Variants in FSHR observed in about 807,000 individuals in gnomAD.
FSHR encodes follicle stimulating hormone receptor.
Under a neutral mutation model 52.1 loss-of-function variants are expected in FSHR, and 46 were observed. That is an observed-to-expected ratio of 0.88 (90% CI 0.70 to 1.13). FSHR has a LOEUF of 1.13. Among genes scored for constraint, FSHR ranks in the 50% most tolerant of loss-of-function variants. The probability of loss-of-function intolerance (pLI) is 0.00; values close to 1 mark genes in which losing one functional copy is unlikely to be tolerated. For missense variants in FSHR, 964 were observed against 834.6 expected (o/e 1.16, Z -1.91); for synonymous variants, 399 against 309.6 (o/e 1.29, Z -3.03).
intron 1 of FSHR, among the ~76,000 whole-genome samples, chr2:49,098,427 G>A (rs1175865051): frequency 6.6e-6 from 1 of 152,120 alleles, no homozygotes; most frequent in Non-Finnish European, 1.5e-5. Context: ...CCTAGAAGAA[G>A]TGATGCTTGG....
At chr2:49,024,904 G>A (rs72827273) in intron 2 of FSHR, among the ~76,000 whole-genome samples, 2,753 of 152,276 alleles carry the variant, frequency 0.018, 32 homozygotes, top group East Asian at 0.048. Flanking sequence ...TAGACCCTCT[G>A]TTACTGCCCC....
chr2:49,122,036 C>G (rs1325373194), intron 1 of FSHR, among the ~76,000 whole-genome samples: 1 of 152,198 alleles, frequency 6.6e-6, no homozygotes, highest in Non-Finnish European at 1.5e-5. Context: ...ACAAATTGCT[C>G]ATAACTAAAG....
At chr2:49,014,598 G>T (rs1482331144) in intron 4 of FSHR, 3 of 248,560 alleles carry the variant, frequency 1.2e-5, no homozygotes, top group African/African-American at 6.9e-5. Context: ...TCATTCATAA[G>T]AACAAATGGT....
At chr2:49,040,276 T>C (rs1668434289) in intron 2 of FSHR, among the ~76,000 whole-genome samples, 1 of 150,734 alleles carries the variant, frequency 6.6e-6, no homozygotes, top group Non-Finnish European at 1.5e-5. Flanking sequence ...TAGACCAGCA[T>C]GGACTTCTGT....
At chr2:49,088,109 GAC>G (rs1444118725) in intron 1 of FSHR, among the ~76,000 whole-genome samples, 2 of 152,134 alleles carry the variant, frequency 1.3e-5, no homozygotes, top group African/African-American at 4.8e-5. Context: ...CTTGATCAAG[GAC>G]ACAGTTAGAA....
intron 1 of FSHR, among the ~76,000 whole-genome samples, chr2:49,120,502 C>T (rs1199197385): frequency 2.6e-5 from 4 of 152,094 alleles, no homozygotes; most frequent in South Asian, 2.1e-4. Flanking sequence ...TCTAGCACTT[C>T]GAATTGTATT....
chr2:49,094,170 G>A (rs1216667629), intron 1 of FSHR, among the ~76,000 whole-genome samples: 1 of 151,968 alleles, frequency 6.6e-6, no homozygotes, highest in Non-Finnish European at 1.5e-5. Flanking sequence ...TTGCTCTAGG[G>A]ATTAAACTTT....
intron 9 of FSHR, among the ~76,000 whole-genome samples, chr2:48,964,420 C>T (rs1426341288): frequency 1.3e-5 from 2 of 152,190 alleles, no homozygotes; most frequent in African/African-American, 4.8e-5. Flanking sequence ...TTATTTGCTT[C>T]TCTTATCTAC....
At chr2:49,051,727 C>T (rs867434165) in intron 2 of FSHR, among the ~76,000 whole-genome samples, 2 of 151,940 alleles carry the variant, frequency 1.3e-5, no homozygotes, top group South Asian at 4.2e-4. Flanking sequence ...TCCAAAATAA[C>T]ACTTTTATTT....
At chr2:49,142,566 C>T (rs1221366155) in intron 1 of FSHR, among the ~76,000 whole-genome samples, 1 of 152,168 alleles carries the variant, frequency 6.6e-6, no homozygotes, top group Non-Finnish European at 1.5e-5. Context: ...CAGTGCCTGT[C>T]ATAGTAGGCA....
intron 1 of FSHR, among the ~76,000 whole-genome samples, chr2:49,137,737 A>G: frequency 6.6e-6 from 1 of 152,156 alleles, no homozygotes; most frequent in East Asian, 1.9e-4. Flanking sequence ...GTAAGGGACA[A>G]TTAAATATTC....
At chr2:49,064,592 G>A (rs1411696763) in intron 2 of FSHR, among the ~76,000 whole-genome samples, 1 of 152,070 alleles carries the variant, frequency 6.6e-6, no homozygotes, top group Non-Finnish European at 1.5e-5. Flanking sequence ...CTAGTCTGCA[G>A]TATTTTGTTA....
At chr2:48,979,910 G>T (rs976686439) in intron 8 of FSHR, among the ~76,000 whole-genome samples, 5 of 152,072 alleles carry the variant, frequency 3.3e-5, no homozygotes, top group African/African-American at 4.8e-5. Context: ...AATAGCCTAC[G>T]CATACTCCTA....
chr2:49,009,366 G>A (rs1049130356), intron 4 of FSHR, among the ~76,000 whole-genome samples: 12 of 151,978 alleles, frequency 7.9e-5, no homozygotes, highest in African/African-American at 2.9e-4. Flanking sequence ...TGAGGGCTCT[G>A]TTCTGTTCCA....
At position 49,072,941 on chromosome 2, in the gene FSHR, A is replaced by C. The variant is rs556519888; in HGVS notation, c.153-4651T>G. On this transcript the variant is annotated intron_variant, in intron 1 of 9. Transcript: ENST00000406846. The stretch of plus-strand genomic sequence containing the variant: ...TTAACCACCAACCTTCTGACAATTC[A>C]TTATGACCTTGTTGATCTAGTTCTA... Among the ~76,000 whole-genome samples, 11 of 152,270 alleles carry C rather than the reference A, an allele frequency of 7.2e-5. No individual in the cohort carries two copies. The South Asian group carries it at 1.4e-3, about 20-fold the overall frequency.
intron 2 of FSHR, among the ~76,000 whole-genome samples, chr2:49,025,789 AT>A (rs1667893916): frequency 6.6e-6 from 1 of 152,322 alleles, no homozygotes. Flanking sequence ...AGGCTATGTT[AT>A]TATTCCGAAC....
chr2:49,078,160 A>T (rs779283228), intron 1 of FSHR, among the ~76,000 whole-genome samples: 1 of 152,214 alleles, frequency 6.6e-6, no homozygotes, highest in African/African-American at 2.4e-5. Flanking sequence ...GATTTAATGG[A>T]CTTACAGTTC....
intron 9 of FSHR, among the ~76,000 whole-genome samples, chr2:48,968,223 A>T (rs1215688289): frequency 6.6e-6 from 1 of 152,176 alleles, no homozygotes; most frequent in East Asian, 1.9e-4. Flanking sequence ...GAAGATCCCA[A>T]GGTGGATTAG....
At chr2:49,116,881 G>A (rs893488233) in intron 1 of FSHR, among the ~76,000 whole-genome samples, 28 of 152,228 alleles carry the variant, frequency 1.8e-4, no homozygotes, top group African/African-American at 3.4e-4. Context: ...AAGGCAAAAC[G>A]AAAATAAAGG....
Sources: gnomAD v4.1 joint callset for allele counts (sites outside exome capture counted in the v4.1 genomes callset) on GRCh38, gnomAD v4.1.1 for gene constraint, MANE v1.5 for transcripts, NCBI Gene and HGNC (gene_info 2026-07-23, HGNC 2026-07-21) for gene names.